The following PCNT variants were observed in gnomAD, a reference collection of about 807,000 sequenced individuals.
The protein encoded by PCNT is pericentrin, also known as kendrin.
Under a neutral mutation model 380.4 loss-of-function variants are expected in PCNT, and 319 were observed. The observed-to-expected ratio is 0.84, with a 90% CI of 0.77 to 0.92. PCNT has a LOEUF of 0.92. PCNT is among the 40% of genes least tolerant of loss of function. PCNT has a pLI of 0.00. For synonymous variants in PCNT, 1,845 were observed against 1,735.2 expected (o/e 1.06, Z -1.57); for missense variants, 4,400 against 4,255.3 (o/e 1.03, Z -0.95).
rs2249970 is a variant in PCNT, at chr21:46,444,900, C to T, written c.9967+79C>T. 404,533 of 1,365,358 alleles carry T rather than the reference C, an allele frequency of 0.3. 62,218 individuals carry two copies. The highest frequency in any genetic ancestry group is 0.37 in the Admixed American group (22,105 of 59,390). 84.6% of individuals were successfully genotyped at this position (1,365,358 alleles called of 1,614,324 possible). On this transcript the variant is annotated intron_variant, in intron 46 of 46. Transcript: ENST00000359568. The stretch of plus-strand genomic sequence containing the variant: ...AAACGTAGGGTCTGTTGAAAGATGG[C>T]TGGTATTCAGCTTAGTAACCAAAGT...
At chr21:46,361,170 A>G (rs1321295764) in intron 13 of PCNT, among the ~76,000 whole-genome samples, 1 of 152,126 alleles carries the variant, frequency 6.6e-6, no homozygotes, top group Non-Finnish European at 1.5e-5. Flanking sequence ...GGATCACCCA[A>G]GGTCAGGAGT....
At chr21:46,353,369 G>A (rs1479076253) in intron 10 of PCNT, 43 bp downstream of exon 10, 5 of 1,517,828 alleles carry the variant, frequency 3.3e-6, no homozygotes, top group Non-Finnish European at 4.6e-6. Context: ...CTGCCATACA[G>A]GGGCCAGGCT....
intron 2 of PCNT, among the ~76,000 whole-genome samples, chr21:46,328,586 G>A (rs186512246): frequency 5.3e-5 from 8 of 152,164 alleles, no homozygotes; most frequent in Non-Finnish European, 1.0e-4. Context: ...TCAGCCTCCC[G>A]TGTAGCTGGG....
At chr21:46,417,487 C>G (rs1024066686) in intron 30 of PCNT, among the ~76,000 whole-genome samples, 1 of 152,158 alleles carries the variant, frequency 6.6e-6, no homozygotes, top group African/African-American at 2.4e-5. Context: ...CCACCATGCT[C>G]AGCCAGAAAT....
At chr21:46,408,719 GTTTT>G (rs34814770) in intron 27 of PCNT, among the ~76,000 whole-genome samples, 1 of 110,562 alleles carries the variant, frequency 9.0e-6, no homozygotes, top group Admixed American at 9.4e-5. Context: ...CTTTCAGAAA[GTTTT>G]TTTTTTTTTT....
intron 15 of PCNT, among the ~76,000 whole-genome samples, chr21:46,377,837 G>C (rs895849762): frequency 6.6e-6 from 1 of 151,508 alleles, no homozygotes; most frequent in East Asian, 1.9e-4. Flanking sequence ...ACAGCAAAAC[G>C]TTGTCTCAAA....
chr21:46,435,864 G>T, intron 38 of PCNT, 40 bp from the exon 39 acceptor site: 1 of 1,613,300 alleles, frequency 6.2e-7, no homozygotes, highest in Non-Finnish European at 8.5e-7. Context: ...TTTGGACACT[G>T]ACGTGAACGT....
intron 44 of PCNT, chr21:46,442,937 A>T: frequency 9.9e-6 from 3 of 303,824 alleles, no homozygotes; most frequent in Non-Finnish European, 1.3e-5. Context: ...TGGCTCACTC[A>T]CATCTTTGTC....
At chr21:46,337,897 A>G (rs771401554) in intron 3 of PCNT, among the ~76,000 whole-genome samples, 1 of 150,984 alleles carries the variant, frequency 6.6e-6, no homozygotes, top group African/African-American at 2.4e-5. Context: ...TTTTTGAGAC[A>G]GTGTCTTGCT....
chr21:46,370,317 C>T (rs1385953422), intron 15 of PCNT, among the ~76,000 whole-genome samples: 8 of 151,886 alleles, frequency 5.3e-5, no homozygotes, highest in African/African-American at 1.5e-4. Context: ...TGGTCTGTGG[C>T]GCGACCAGAT....
intron 10 of PCNT, 104 bp from the exon 11 acceptor site, chr21:46,353,883 C>T (rs1176049945): frequency 1.5e-5 from 15 of 991,882 alleles, no homozygotes; most frequent in South Asian, 9.5e-5. Context: ...ACTGGAAGCA[C>T]GAGGAGGCGC....
In PCNT at chr21:46,416,532, A is replaced by T; in HGVS notation, c.6614A>T (p.His2205Leu). The change falls in exon 30 of 47, where the codon CAC becomes CTC. Residue 2205 changes from histidine to leucine, a missense_variant. Coordinates refer to ENST00000359568, the MANE Select transcript of PCNT (RefSeq NM_006031.6). ...CTTGGTGGCTCCCGCCACCAGAGCC[A>T]CACTGCAGAGGCTGGGCCCCGGAAG... The part of the protein sequence containing the change: ...SVLGGSRHQS[H>L]TAEAGPRKSP... 1.2e-6 allele frequency: 2 copies of T among 1,613,766 alleles called. No homozygotes were observed. Among genetic ancestry groups the T allele is most frequent in the Non-Finnish European group, 1.7e-6 (2 of 1,179,998 alleles).
rs779846403 is a variant in PCNT at position 46,326,527 on chromosome 21, A to G, written c.205A>G (p.Ile69Val). The change falls in exon 2 of 47, where the codon ATT becomes GTT. Residue 69 changes from isoleucine (I) to valine (V), a missense_variant. Coordinates refer to ENST00000359568, the MANE Select transcript of PCNT (RefSeq NM_006031.6). ...EDSALCGGGD[I>V]CKSTSCDDTP... ...CAGCGCACTCTGTGGAGGAGGGGAC[A>G]TTTGCAAAAGCACATCATGTGACGA... The G allele has an allele frequency of 9.3e-6, 15 of 1,614,060 alleles. No homozygotes were observed. The highest frequency in any genetic ancestry group is 1.3e-5 in the Non-Finnish European group (15 of 1,180,042).
intron 16 of PCNT, among the ~76,000 whole-genome samples, chr21:46,384,720 A>G (rs184292315): frequency 4.2e-4 from 47 of 112,424 alleles, no homozygotes; most frequent in South Asian, 8.7e-4. Flanking sequence ...AGCGGCGGAA[A>G]CACATTCATG....
chr21:46,412,780 G>T, intron 28 of PCNT, 57 bp from the exon 29 acceptor site: 1 of 1,592,038 alleles, frequency 6.3e-7, no homozygotes, highest in African/African-American at 1.3e-5. Context: ...CCACCTGAGG[G>T]GCAGCCCCAG....
intron 17 of PCNT, among the ~76,000 whole-genome samples, chr21:46,386,304 GCGTCCCCGCAGCGTGTCCT>G (rs1969700710): frequency 6.6e-6 from 1 of 152,236 alleles, no homozygotes; most frequent in African/African-American, 2.4e-5. Context: ...TTTAGTGTCT[GCGTCCCCGCAGCGTGTCCT>G]CGTCCCCGGC....
intron 1 of PCNT, chr21:46,325,352 A>T (rs1601729641): frequency 1.5e-5 from 4 of 273,212 alleles, no homozygotes; most frequent in East Asian, 1.9e-4. Flanking sequence ...CGGAGCCTGC[A>T]GGGAGCTGCG....
Position 46,381,756 on chromosome 21 carries a change from G to T in PCNT, c.3228G>T (p.Gln1076His), listed in dbSNP as rs986050062. The T allele has an allele frequency of 1.9e-6, 3 of 1,614,164 alleles. No individual in the cohort carries two copies. Among genetic ancestry groups the T allele is most frequent in the East Asian group, 2.2e-5 (1 of 44,894 alleles). The part of the protein sequence containing the change: ...LHEKEETLRL[Q>H]SAQAQPFHQE... ...AAAAAGAGGAGACACTTCGGCTTCA[G>T]AGTGCACAGGCACAGCCTTTTCACC... The change falls in exon 16 of 47, where the codon CAG becomes CAT. Residue 1076 changes from glutamine (Q) to histidine (H), a missense_variant. Gln to His is a conservative substitution (Grantham distance 24). Transcript: ENST00000359568.
intron 13 of PCNT, among the ~76,000 whole-genome samples, chr21:46,359,405 C>T (rs1410254470): frequency 7.0e-6 from 1 of 142,804 alleles, no homozygotes; most frequent in Non-Finnish European, 1.6e-5. Context: ...TACACGTGTA[C>T]ACATTTGTGA....
Sources: allele counts gnomAD v4.1 joint callset (sites outside exome capture counted in the v4.1 genomes callset), GRCh38; gene constraint gnomAD v4.1.1; transcripts MANE v1.5; gene names NCBI Gene and HGNC (gene_info 2026-07-23, HGNC 2026-07-21).